TMEM74: variants seen among roughly 807,000 people sequenced by gnomAD.
TMEM74 encodes transmembrane protein 74.
A neutral mutation model predicts 18.1 loss-of-function variants in TMEM74; 13 were observed. The observed-to-expected ratio is 0.72, with a 90% confidence interval of 0.47 to 1.14. The LOEUF is 1.14. Among genes scored for constraint, TMEM74 ranks in the 50% most tolerant of loss-of-function variants. TMEM74 has a pLI of 0.00. For synonymous variants in TMEM74, 159 were observed against 146.6 expected, an observed-to-expected ratio of 1.08 and a Z score of -0.61; for missense variants, 372 against 375.9, an observed-to-expected ratio of 0.99 and a Z score of 0.09.
Position 108,781,382 on chromosome 8 carries a change from T to C in TMEM74, c.*2799A>G, listed in dbSNP as rs562827630. On this transcript the variant is annotated 3_prime_UTR_variant, in exon 2 of 2. Coordinates refer to ENST00000297459, the MANE Select transcript of TMEM74 (RefSeq NM_153015.3). ...AGAGCCAAAAACACTCTTTGTCAGA[T>C]TGGGAAAAACAGGAAATAAAGCACA... Among the ~76,000 whole-genome samples the C allele has an allele frequency of 2.6e-5, 4 of 152,280 alleles. No homozygotes were observed. The South Asian group carries it at 8.3e-4, about 32-fold the overall frequency.
At chr8:108,705,172 G>A (rs1019095854) in intron 1 of TMEM74, among the ~76,000 whole-genome samples, 1 of 152,086 alleles carries the variant, frequency 6.6e-6, no homozygotes, top group African/African-American at 2.4e-5. Context: ...GAGTATCTGT[G>A]TCAGCTTGTG....
At chr8:108,785,170 A>G (rs547476623) in intron 1 of TMEM74, 33 bp from the exon 2 acceptor site, 1 of 1,474,508 alleles carries the variant, frequency 6.8e-7, no homozygotes, top group East Asian at 2.3e-5. Flanking sequence ...ATAAGAACCC[A>G]ACAGAAGCTA....
At chr8:108,747,303 C>A (rs1180113764) in intron 1 of TMEM74, among the ~76,000 whole-genome samples, 1 of 151,826 alleles carries the variant, frequency 6.6e-6, no homozygotes, top group African/African-American at 2.4e-5. Flanking sequence ...TATAGTGAAA[C>A]AAATAAGAGT....
At chr8:108,629,248 A>G (rs1452537732) in intron 2 of TMEM74, among the ~76,000 whole-genome samples, 4 of 152,102 alleles carry the variant, frequency 2.6e-5, no homozygotes, top group African/African-American at 4.8e-5. Context: ...TTGAAGATCA[A>G]CTTACCAAAA....
At chr8:108,773,322 C>T (rs999179275) in intron 1 of TMEM74, among the ~76,000 whole-genome samples, 2 of 151,342 alleles carry the variant, frequency 1.3e-5, no homozygotes, top group African/African-American at 4.9e-5. Flanking sequence ...TCAATATATC[C>T]TAAAAAAAGA....
At chr8:108,614,035 G>GTTTT (rs11393201) in intron 2 of TMEM74, among the ~76,000 whole-genome samples, 2 of 137,104 alleles carry the variant, frequency 1.5e-5, no homozygotes, top group Non-Finnish European at 1.6e-5. Context: ...TTTTCATAAG[G>GTTTT]TTTTTTTTTT....
chr8:108,771,500 T>G (rs902516792), intron 1 of TMEM74, among the ~76,000 whole-genome samples: 1 of 152,184 alleles, frequency 6.6e-6, no homozygotes, highest in African/African-American at 2.4e-5. Flanking sequence ...TATTTCAATA[T>G]GTTTCTGTCT....
At chr8:108,671,383 G>T (rs1157127952) in intron 1 of TMEM74, among the ~76,000 whole-genome samples, 2 of 152,148 alleles carry the variant, frequency 1.3e-5, no homozygotes, top group Non-Finnish European at 2.9e-5. Context: ...AGGTTAGAAG[G>T]CCCCCTGGGG....
rs182493238 is a variant in TMEM74 at position 108,764,083 on chromosome 8, T to C, written n.119+23393A>G. Among the ~76,000 whole-genome samples the C allele has an allele frequency of 2.3e-4, 35 of 152,240 alleles. No individual in the cohort carries two copies. The East Asian group carries it at 6.8e-3, about 29-fold the overall frequency. Reference sequence around the variant, plus strand: ...CTTCAGAAACTGCCATTTCTACACATAGAGGGAAAACTTGATAGCATTTCA... The same window carrying C: ...CTTCAGAAACTGCCATTTCTACACACAGAGGGAAAACTTGATAGCATTTCA... On this transcript the variant is annotated intron_variant and non_coding_transcript_variant, in intron 1 of 3. Coordinates refer to the TMEM74 transcript ENST00000518838.
chr8:108,678,562 A>C (rs1461823441), intron 1 of TMEM74, among the ~76,000 whole-genome samples: 4 of 149,866 alleles, frequency 2.7e-5, no homozygotes, highest in Non-Finnish European at 5.9e-5. Context: ...TAGTAGAGAC[A>C]AGGTCTCGCC....
intron 1 of TMEM74, among the ~76,000 whole-genome samples, chr8:108,656,461 C>G (rs145197208): frequency 2.0e-5 from 3 of 152,114 alleles, no homozygotes; most frequent in African/African-American, 7.2e-5. Context: ...ATAGTCCATT[C>G]GAACTTCAAT....
chr8:108,767,657 T>C (rs1814124282), intron 1 of TMEM74, among the ~76,000 whole-genome samples: 1 of 152,200 alleles, frequency 6.6e-6, no homozygotes, highest in Admixed American at 6.5e-5. Context: ...TGATCAAATA[T>C]TCTTCACCCC....
chr8:108,625,032 A>T (rs1812480784), intron 2 of TMEM74, among the ~76,000 whole-genome samples: 1 of 152,076 alleles, frequency 6.6e-6, no homozygotes, highest in Non-Finnish European at 1.5e-5. Context: ...GAGTTTTCCC[A>T]CAGAATGTTC....
intron 2 of TMEM74, among the ~76,000 whole-genome samples, chr8:108,640,384 G>C (rs1209115415): frequency 6.6e-6 from 1 of 151,882 alleles, no homozygotes; most frequent in Non-Finnish European, 1.5e-5. Flanking sequence ...AAAGTGCTGG[G>C]ATTACAGGCA....
At chr8:108,730,310 T>C (rs1014750768) in intron 1 of TMEM74, among the ~76,000 whole-genome samples, 4 of 152,208 alleles carry the variant, frequency 2.6e-5, no homozygotes, top group Non-Finnish European at 4.4e-5. Context: ...GCAATCACTC[T>C]GGCTGTGGCT....
chr8:108,782,563 G>C lies in TMEM74; in HGVS notation c.*1618C>G, dbSNP rs1188518706. On this transcript the variant is annotated 3_prime_UTR_variant, in exon 2 of 2. Coordinates refer to ENST00000297459, the MANE Select transcript of TMEM74 (RefSeq NM_153015.3). ...CTCATCAAATCAATCTGACACCCATGAGAGCTCATCCACATAAATATCCTG... is the reference window on the plus strand; with the variant it reads ...CTCATCAAATCAATCTGACACCCATCAGAGCTCATCCACATAAATATCCTG... Among the ~76,000 whole-genome samples, 5 of 152,098 alleles carry C rather than the reference G, an allele frequency of 3.3e-5. No individual in the cohort carries two copies. The East Asian group carries it at 9.7e-4, about 29-fold the overall frequency.
intron 1 of TMEM74, among the ~76,000 whole-genome samples, chr8:108,742,069 T>C (rs943472115): frequency 6.6e-6 from 1 of 152,132 alleles, no homozygotes; most frequent in South Asian, 2.1e-4. Context: ...TACTGCATGT[T>C]CTCCCTTCTA....
At chr8:108,631,194 C>T (rs950609539) in intron 2 of TMEM74, among the ~76,000 whole-genome samples, 2 of 151,976 alleles carry the variant, frequency 1.3e-5, no homozygotes, top group South Asian at 2.1e-4. Flanking sequence ...TATTCCAGGA[C>T]GTGAGGTACT....
chr8:108,753,227 T>C (rs1563542793), intron 1 of TMEM74, among the ~76,000 whole-genome samples: 1 of 152,134 alleles, frequency 6.6e-6, no homozygotes, highest in African/African-American at 2.4e-5. Context: ...TGGCTGAATA[T>C]AATATTCTTA....
Sources: allele counts gnomAD v4.1 joint callset (sites outside exome capture counted in the v4.1 genomes callset), GRCh38; gene constraint gnomAD v4.1.1; transcripts MANE v1.5; gene names NCBI Gene and HGNC (gene_info 2026-07-23, HGNC 2026-07-21).